Variants in AFG2A observed in about 807,000 individuals in gnomAD.
AFG2A encodes the protein ATPase family gene 2 protein homolog A.
At chr4:123,008,623 G>T in the AFG2A span, among the ~76,000 whole-genome samples, 1 of 152,244 alleles carries the variant, frequency 6.6e-6, no homozygotes. Flanking sequence ...ACTCTTTAGA[G>T]AACTGCTTTG....
At chr4:122,977,835 G>A in the AFG2A span, among the ~76,000 whole-genome samples, 5 of 152,194 alleles carry the variant, frequency 3.3e-5, no homozygotes, top group Non-Finnish European at 7.4e-5. Flanking sequence ...CCATCAGGTC[G>A]TCCTGATGAG....
the AFG2A span, among the ~76,000 whole-genome samples, chr4:123,158,017 T>A: frequency 6.6e-6 from 1 of 152,112 alleles, no homozygotes; most frequent in Non-Finnish European, 1.5e-5. Flanking sequence ...ACCAGGCAGC[T>A]TTTTCAAATA....
the AFG2A span, among the ~76,000 whole-genome samples, chr4:123,033,196 C>A: frequency 6.6e-6 from 1 of 152,052 alleles, no homozygotes; most frequent in Non-Finnish European, 1.5e-5. Flanking sequence ...TTTAAGATTA[C>A]AAATAAGGAT....
chr4:123,241,170 C>T, the AFG2A span, among the ~76,000 whole-genome samples: 1 of 152,242 alleles, frequency 6.6e-6, no homozygotes, highest in East Asian at 1.9e-4. Context: ...AGTCCAGGAC[C>T]AGACAGATTC....
chr4:123,186,034 ATTAT>A, the AFG2A span, among the ~76,000 whole-genome samples: 2 of 152,304 alleles, frequency 1.3e-5, no homozygotes, highest in Middle Eastern at 3.4e-3. Flanking sequence ...CACATAGGTA[ATTAT>A]TTGTTTTCTT....
At chr4:123,120,413 G>C in the AFG2A span, among the ~76,000 whole-genome samples, 1 of 152,034 alleles carries the variant, frequency 6.6e-6, no homozygotes, top group Non-Finnish European at 1.5e-5. Flanking sequence ...CATTTTATCC[G>C]TTATAATTAA....
the AFG2A span, among the ~76,000 whole-genome samples, chr4:123,159,239 T>C: frequency 6.6e-6 from 1 of 151,760 alleles, no homozygotes; most frequent in South Asian, 2.1e-4. Context: ...GTAAAAGTTT[T>C]GGCAAGTTTT....
the AFG2A span, among the ~76,000 whole-genome samples, chr4:123,064,290 T>C: frequency 6.6e-6 from 1 of 152,144 alleles, no homozygotes; most frequent in South Asian, 2.1e-4. Context: ...AAATGGATAA[T>C]ATGATAGGGA....
chr4:123,167,497 G>A, the AFG2A span, among the ~76,000 whole-genome samples: 6 of 151,834 alleles, frequency 4.0e-5, no homozygotes, highest in Admixed American at 2.0e-4. Flanking sequence ...ACAGGCGCCC[G>A]CCACCATGCC....
At chr4:123,025,858 T>C in the AFG2A span, among the ~76,000 whole-genome samples, 2 of 152,226 alleles carry the variant, frequency 1.3e-5, no homozygotes, top group Non-Finnish European at 2.9e-5. Flanking sequence ...CATTAAGTTT[T>C]AAGTAACATT....
the AFG2A span, among the ~76,000 whole-genome samples, chr4:123,303,042 C>G: frequency 6.6e-6 from 1 of 152,146 alleles, no homozygotes; most frequent in Non-Finnish European, 1.5e-5. Flanking sequence ...TCTCTTATCC[C>G]TCTCCTTCCC....
At chr4:123,056,440 G>A in the AFG2A span, 1 of 1,612,194 alleles carries the variant, frequency 6.2e-7, no homozygotes, top group Non-Finnish European at 8.5e-7. Flanking sequence ...CAGTTAGAGA[G>A]GTAAGAAATT....
chr4:123,025,472 A>G, the AFG2A span, among the ~76,000 whole-genome samples: 1 of 152,228 alleles, frequency 6.6e-6, no homozygotes, highest in South Asian at 2.1e-4. Context: ...TTAACACATC[A>G]AGTACAGAAC....
the AFG2A span, among the ~76,000 whole-genome samples, chr4:123,082,924 T>C: frequency 6.6e-6 from 1 of 152,184 alleles, no homozygotes; most frequent in Non-Finnish European, 1.5e-5. Flanking sequence ...GGGGTGCTAA[T>C]ATAAATGATA....
At chr4:123,176,148 C>G in the AFG2A span, among the ~76,000 whole-genome samples, 1 of 152,178 alleles carries the variant, frequency 6.6e-6, no homozygotes, top group Admixed American at 6.5e-5. Context: ...GAAGCAGTCA[C>G]TCTTACTAGC....
At chr4:123,027,636 C>T in the AFG2A span, among the ~76,000 whole-genome samples, 21 of 152,122 alleles carry the variant, frequency 1.4e-4, no homozygotes, top group South Asian at 2.1e-4. Flanking sequence ...TTCTTGTGTA[C>T]GTTTTCTGGT....
chr4:123,289,527 C>T, the AFG2A span, among the ~76,000 whole-genome samples: 1 of 152,116 alleles, frequency 6.6e-6, no homozygotes, highest in Non-Finnish European at 1.5e-5. Flanking sequence ...TAAGTAGATA[C>T]CCAGTAGTGG....
the AFG2A span, among the ~76,000 whole-genome samples, chr4:123,186,574 T>C: frequency 1.3e-5 from 2 of 152,238 alleles, no homozygotes; most frequent in African/African-American, 4.8e-5. Context: ...AATAATCTTA[T>C]AAAAGGTACA....
the AFG2A span, among the ~76,000 whole-genome samples, chr4:123,307,517 TAGAG>T: frequency 6.6e-6 from 1 of 152,224 alleles, no homozygotes; most frequent in East Asian, 1.9e-4. Context: ...CATTCCTAAA[TAGAG>T]AGATATGTTG....
Sources: allele counts gnomAD v4.1 joint callset (sites outside exome capture counted in the v4.1 genomes callset), GRCh38; gene constraint gnomAD v4.1.1; transcripts MANE v1.5; gene names NCBI Gene and HGNC (gene_info 2026-07-23, HGNC 2026-07-21).